The following PPFIBP1 variants were observed in gnomAD, a reference collection of about 807,000 sequenced individuals.
PPFIBP1 encodes the protein PPFIB scaffold protein 1, also known as liprin-beta-1.
In PPFIBP1, 112 loss-of-function variants were observed where a neutral mutation model predicts 137.8. The ratio of observed to expected loss-of-function variants is 0.81; its 90% CI spans 0.70 to 0.95. The LOEUF (loss-of-function observed/expected upper bound fraction) is 0.95. PPFIBP1 is among the 40% of genes least tolerant of loss of function. The pLI, the probability that PPFIBP1 is intolerant of heterozygous loss-of-function variation, is 0.00. For synonymous variants in PPFIBP1, 378 were observed against 417.3 expected (o/e 0.91, Z 1.15); for missense variants, 1,083 against 1,196.6 (o/e 0.91, Z 1.40).
chr12:27,571,856 A>G (rs2136684801), intron 1 of PPFIBP1, among the ~76,000 whole-genome samples: 1 of 152,334 alleles, frequency 6.6e-6, no homozygotes, highest in East Asian at 1.9e-4. Flanking sequence ...TTTAGTGGAA[A>G]TACTTGATTT....
intron 4 of PPFIBP1, 134 bp downstream of exon 4, chr12:27,635,249 C>G: frequency 1.2e-6 from 1 of 808,040 alleles, no homozygotes; most frequent in South Asian, 1.8e-5. Flanking sequence ...CTTAAGATAT[C>G]TTAATTTTCT....
At chr12:27,635,853 T>C (rs1972680) in intron 4 of PPFIBP1, 89,213 of 151,526 alleles carry the variant, frequency 0.59, 26,758 homozygotes, top group Admixed American at 0.65. Context: ...TTGGAAATAC[T>C]GTGGTTTTAA....
intron 2 of PPFIBP1, among the ~76,000 whole-genome samples, chr12:27,603,325 TG>T (rs966927331): frequency 6.6e-6 from 1 of 152,156 alleles, no homozygotes; most frequent in Non-Finnish European, 1.5e-5. Context: ...TGATTATATA[TG>T]TGGGATGTTC....
At chr12:27,548,890 A>T (rs1051194497) in intron 1 of PPFIBP1, 1 of 152,238 alleles carries the variant, frequency 6.6e-6, no homozygotes, top group African/African-American at 2.4e-5. Flanking sequence ...CAAGTCCTGG[A>T]AGATATTACT....
chr12:27,530,067 T>C (rs1234820415), intron 1 of PPFIBP1, among the ~76,000 whole-genome samples: 3 of 152,214 alleles, frequency 2.0e-5, no homozygotes, highest in Non-Finnish European at 4.4e-5. Flanking sequence ...GAAAACAAGG[T>C]TGAAACTCTG....
At chr12:27,686,572 A>C (rs2061213840) in intron 24 of PPFIBP1, among the ~76,000 whole-genome samples, 1 of 152,304 alleles carries the variant, frequency 6.6e-6, no homozygotes, top group South Asian at 2.1e-4. Flanking sequence ...TAGTTGTGCC[A>C]AAATTGTTCA....
In PPFIBP1 at chr12:27,593,754, A is replaced by G. The variant is rs767625591; in HGVS notation, c.-36+15515A>G. On this transcript the variant is annotated intron_variant, in intron 2 of 29. Coordinates refer to ENST00000228425, the MANE Select transcript of PPFIBP1 (RefSeq NM_003622.4). ...TATTGAGTCTGTGTTGTCAGAGCCA[A>G]CGTCCATGTCCCAGGCCAGGAAGAT... The G allele has an allele frequency of 8.8e-5, 62 of 702,388 alleles. 1 individual carries two copies. Among genetic ancestry groups the G allele is most frequent in the Non-Finnish European group, 1.1e-4 (48 of 427,340 alleles). The allele number at this position is 702,388 out of a possible 1,614,324, so 43.5% of individuals were successfully genotyped here. A position where few individuals can be genotyped will look rare whatever the true frequency, so the allele number is the denominator to read the frequency against.
At position 27,689,024 on chromosome 12, in the gene PPFIBP1, C is replaced by T. The variant is rs762020981; in HGVS notation, c.2506C>T (p.Pro836Ser). The change falls in exon 27 of 30, where the codon CCT becomes TCT. Residue 836 changes from proline to serine, a missense_variant. By Grantham distance (74) the Pro-to-Ser change is moderately conservative. Coordinates refer to ENST00000228425, the MANE Select transcript of PPFIBP1 (RefSeq NM_003622.4). ...GVHGGLMVLEPRFNVETMAQL... is the reference protein window; with the variant it reads ...GVHGGLMVLESRFNVETMAQL... The stretch of plus-strand genomic sequence containing the variant: ...TTTTTTCTTTAAACAGGTTCTAGAG[C>T]CTCGTTTTAACGTAGAAACAATGGC... The T allele has an allele frequency of 1.2e-6, 2 of 1,611,818 alleles. No homozygotes were observed. The highest frequency in any genetic ancestry group is 1.7e-6 in the Non-Finnish European group (2 of 1,179,362).
intron 1 of PPFIBP1, among the ~76,000 whole-genome samples, chr12:27,559,389 G>A (rs373491486): frequency 2.6e-5 from 4 of 152,012 alleles, no homozygotes; most frequent in Non-Finnish European, 4.4e-5. Context: ...GGCTGGTCTC[G>A]AACTCCTGAC....
At chr12:27,530,665 C>G (rs1944317610) in intron 1 of PPFIBP1, among the ~76,000 whole-genome samples, 1 of 152,148 alleles carries the variant, frequency 6.6e-6, no homozygotes, top group South Asian at 2.1e-4. Context: ...ACCACTATGT[C>G]CAGTTAAGTG....
At chr12:27,599,677 CAA>C (rs953547955) in intron 2 of PPFIBP1, among the ~76,000 whole-genome samples, 3 of 151,896 alleles carry the variant, frequency 2.0e-5, no homozygotes, top group Admixed American at 2.0e-4. Context: ...TTTAAGCATA[CAA>C]AAAAGAGACA....
intron 21 of PPFIBP1, 49 bp from the exon 22 acceptor site, chr12:27,681,497 C>T: frequency 6.3e-7 from 1 of 1,575,758 alleles, no homozygotes; most frequent in Non-Finnish European, 8.7e-7. Context: ...TGATAAGCCA[C>T]AGGATTGGCT....
intron 9 of PPFIBP1, 123 bp from the exon 10 acceptor site, chr12:27,658,693 A>G (rs946242389): frequency 9.7e-7 from 1 of 1,028,900 alleles, no homozygotes; most frequent in Non-Finnish European, 1.5e-6. Context: ...GTGCTGAAAA[A>G]GTTTTTATGA....
rs542010611 is a variant in PPFIBP1 at position 27,635,037 on chromosome 12, A to C, written c.192A>C (p.Thr64=). ...DLRGLLEMME[T]DEKEGLRCQI... ...GTGGATTGTTAGAGATGATGGAAAC[A>C]GATGAGAAAGAAGGCTTGAGATGCC... Residue 64 remains threonine (T), a synonymous_variant, in exon 4 of 30, where the codon ACA becomes ACC. Coordinates refer to ENST00000228425, the MANE Select transcript of PPFIBP1 (RefSeq NM_003622.4). The C allele has an allele frequency of 7.4e-6, 12 of 1,614,206 alleles. No homozygotes were observed. The Admixed American group carries it at 8.3e-5, about 11-fold the overall frequency.
Position 27,689,204 on chromosome 12 carries a change from G to C in PPFIBP1, c.2685+1G>C, listed in dbSNP as rs1241490261. On this transcript the variant is annotated splice_donor_variant, in intron 27 of 29. Transcript: ENST00000228425. LOFTEE classifies it high-confidence loss of function. ...TCTAACAGCTACTGCCAAAGTGAAG[G>C]TTGGTTCAGGCTCATACGGTTTAAT... The C allele has an allele frequency of 6.4e-7, 1 of 1,559,864 alleles. No individual in the cohort carries two copies. The highest frequency in any genetic ancestry group is 8.6e-7 in the Non-Finnish European group (1 of 1,160,222).
At chr12:27,579,712 A>G (rs968167330) in intron 2 of PPFIBP1, among the ~76,000 whole-genome samples, 2 of 152,178 alleles carry the variant, frequency 1.3e-5, no homozygotes, top group East Asian at 3.8e-4. Context: ...TGTGTTGTGC[A>G]TATCTTTTGG....
intron 4 of PPFIBP1, among the ~76,000 whole-genome samples, chr12:27,643,122 G>A (rs2058232498): frequency 1.3e-5 from 2 of 148,900 alleles, no homozygotes; most frequent in South Asian, 4.3e-4. Flanking sequence ...GGAAGAGAGA[G>A]TACAGGAGGA....
intron 2 of PPFIBP1, among the ~76,000 whole-genome samples, chr12:27,613,120 A>G (rs2055339040): frequency 6.6e-6 from 1 of 152,208 alleles, no homozygotes; most frequent in Non-Finnish European, 1.5e-5. Flanking sequence ...TTTCAGTGCC[A>G]AAGACCAAAA....
chr12:27,654,128 A>T (rs968286001), intron 7 of PPFIBP1, among the ~76,000 whole-genome samples: 1 of 152,230 alleles, frequency 6.6e-6, no homozygotes, highest in Non-Finnish European at 1.5e-5. Flanking sequence ...TGTTCCTGTT[A>T]TTCACTTAAT....
Sources: allele counts gnomAD v4.1 joint callset (sites outside exome capture counted in the v4.1 genomes callset), GRCh38; gene constraint gnomAD v4.1.1; transcripts MANE v1.5; gene names NCBI Gene and HGNC (gene_info 2026-07-23, HGNC 2026-07-21).